DPP10: variants seen among roughly 807,000 people sequenced by gnomAD.
DPP10 encodes inactive dipeptidyl peptidase 10.
DPP10 carries 33 observed loss-of-function variants against 120.9 expected under a neutral mutation model. The observed-to-expected ratio is 0.27, with a 90% CI of 0.21 to 0.37. The LOEUF is 0.37. DPP10 is among the 10% of genes least tolerant of loss of function. DPP10 has a pLI of 1.00. For missense variants in DPP10, 816 were observed against 942.8 expected, an observed-to-expected ratio of 0.87 and a Z score of 1.76; for synonymous variants, 337 against 326.1, an observed-to-expected ratio of 1.03 and a Z score of -0.36.
rs575737780 is a variant in DPP10 at position 115,638,414 on chromosome 2, C to A, written c.442-51273C>A. On this transcript the variant is annotated intron_variant, in intron 5 of 25. Transcript: ENST00000410059. ...CTCTCTTTCATCTACACATTTCAGT[C>A]AACCTTGGCATTATCTCTAAGGCCG... Among the ~76,000 whole-genome samples, 16 of 152,296 alleles carry A rather than the reference C, an allele frequency of 1.1e-4. No homozygotes were observed. In the East Asian group the frequency reaches 2.7e-3, roughly 26 times the overall value.
At chr2:115,582,755 G>C (rs1366236197) in intron 5 of DPP10, among the ~76,000 whole-genome samples, 1 of 152,130 alleles carries the variant, frequency 6.6e-6, no homozygotes, top group Admixed American at 6.5e-5. Flanking sequence ...GTTAGTATAA[G>C]TAATAATCTC....
intron 1 of DPP10, among the ~76,000 whole-genome samples, chr2:114,604,790 C>G (rs1256586195): frequency 6.6e-6 from 1 of 152,074 alleles, no homozygotes; most frequent in African/African-American, 2.4e-5. Context: ...ACTTGAAATT[C>G]TGTAACCACT....
chr2:115,017,323 G>A (rs891638421), intron 1 of DPP10, among the ~76,000 whole-genome samples: 1 of 152,054 alleles, frequency 6.6e-6, no homozygotes, highest in African/African-American at 2.4e-5. Flanking sequence ...ATCCCAGTTA[G>A]AATAGCAATC....
chr2:115,157,671 C>T (rs1361759574), intron 1 of DPP10, among the ~76,000 whole-genome samples: 1 of 152,150 alleles, frequency 6.6e-6, no homozygotes, highest in Admixed American at 6.6e-5. Flanking sequence ...GAATTCAAAA[C>T]CCGATTGAGG....
At chr2:115,779,470 G>A (rs1343528927) in intron 15 of DPP10, among the ~76,000 whole-genome samples, 3 of 152,014 alleles carry the variant, frequency 2.0e-5, no homozygotes, top group East Asian at 1.9e-4. Context: ...GACTGCTACC[G>A]TAGTCATTGT....
intron 1 of DPP10, among the ~76,000 whole-genome samples, chr2:114,585,280 A>G (rs1324812354): frequency 6.6e-6 from 1 of 152,114 alleles, no homozygotes; most frequent in Non-Finnish European, 1.5e-5. Flanking sequence ...ACTGACTCTC[A>G]GCTTCTAGAG....
chr2:114,809,512 G>A (rs1685007126), intron 1 of DPP10, among the ~76,000 whole-genome samples: 1 of 152,134 alleles, frequency 6.6e-6, no homozygotes, highest in Admixed American at 6.5e-5. Flanking sequence ...GCAGCTCTTT[G>A]TTTTGCAGTA....
chr2:115,204,016 G>C (rs1416049941), intron 1 of DPP10, among the ~76,000 whole-genome samples: 10 of 151,962 alleles, frequency 6.6e-5, no homozygotes, highest in Admixed American at 6.6e-4. Flanking sequence ...TGTGGCGATG[G>C]GCGAGTTTAA....
At chr2:115,133,358 G>A (rs2104801968) in intron 1 of DPP10, among the ~76,000 whole-genome samples, 2 of 151,408 alleles carry the variant, frequency 1.3e-5, no homozygotes, top group Admixed American at 1.3e-4. Context: ...GAACATTTCT[G>A]TTTAGGAAAT....
chr2:114,747,502 G>T (rs1164961298), intron 1 of DPP10, among the ~76,000 whole-genome samples: 1 of 152,136 alleles, frequency 6.6e-6, no homozygotes, highest in Non-Finnish European at 1.5e-5. Flanking sequence ...TACAGCATTA[G>T]CATACACATG....
chr2:115,387,172 C>T (rs2067002548), intron 3 of DPP10, among the ~76,000 whole-genome samples: 1 of 152,034 alleles, frequency 6.6e-6, no homozygotes. Context: ...GAGGCTGACC[C>T]CTTCACCTGT....
chr2:115,134,866 A>G (rs535733604), intron 1 of DPP10, among the ~76,000 whole-genome samples: 47 of 152,236 alleles, frequency 3.1e-4, no homozygotes, highest in African/African-American at 1.1e-3. Flanking sequence ...TTTTAGGACA[A>G]GGCTTTACAT....
At chr2:115,327,488 A>G (rs2062438155) in intron 2 of DPP10, among the ~76,000 whole-genome samples, 2 of 152,008 alleles carry the variant, frequency 1.3e-5, no homozygotes, top group Admixed American at 1.3e-4. Flanking sequence ...AGGGGCTCGA[A>G]TTTTTTTGTT....
intron 1 of DPP10, among the ~76,000 whole-genome samples, chr2:115,240,719 G>A (rs967074200): frequency 6.6e-6 from 1 of 152,174 alleles, no homozygotes; most frequent in African/African-American, 2.4e-5. Context: ...GTGATATGGA[G>A]TCGAACCCAC....
At chr2:115,774,657 A>G (rs1460319293) in intron 13 of DPP10, among the ~76,000 whole-genome samples, 2 of 152,128 alleles carry the variant, frequency 1.3e-5, no homozygotes, top group Non-Finnish European at 2.9e-5. Flanking sequence ...AAGAAGTCAC[A>G]GGCTTGCTGT....
intron 1 of DPP10, among the ~76,000 whole-genome samples, chr2:114,618,112 A>C (rs1384781313): frequency 9.2e-5 from 14 of 152,082 alleles, no homozygotes; most frequent in Non-Finnish European, 2.1e-4. Flanking sequence ...GAACATTATG[A>C]CTTAAATATG....
chr2:115,281,758 A>G (rs35363264), intron 1 of DPP10, among the ~76,000 whole-genome samples: 5,402 of 152,232 alleles, frequency 0.035, 218 homozygotes, highest in East Asian at 0.2. Context: ...TACATGATCA[A>G]TATTCCACTG....
At chr2:115,033,697 C>CTTTTTT (rs10693499) in intron 1 of DPP10, among the ~76,000 whole-genome samples, 1 of 137,964 alleles carries the variant, frequency 7.2e-6, no homozygotes, top group Non-Finnish European at 1.6e-5. Flanking sequence ...ATCTTCCCTC[C>CTTTTTT]TTTTTTTTTT....
intron 1 of DPP10, among the ~76,000 whole-genome samples, chr2:114,800,725 T>A (rs982785913): frequency 6.6e-6 from 1 of 152,210 alleles, no homozygotes; most frequent in South Asian, 2.1e-4. Flanking sequence ...CATGAAATAA[T>A]TGAAGCTTGA....
Sources: gnomAD v4.1 joint callset for allele counts (sites outside exome capture counted in the v4.1 genomes callset) on GRCh38, gnomAD v4.1.1 for gene constraint, MANE v1.5 for transcripts, NCBI Gene and HGNC (gene_info 2026-07-23, HGNC 2026-07-21) for gene names.